Variants in KCNMB4 observed in about 807,000 individuals in gnomAD.
KCNMB4 encodes calcium-activated potassium channel subunit beta-4.
KCNMB4 carries 3 observed loss-of-function variants against 20.7 expected under a neutral mutation model. That is an observed-to-expected ratio of 0.14 (90% CI 0.07 to 0.37). The LOEUF (loss-of-function observed/expected upper bound fraction) is 0.37, where lower values mean the gene tolerates loss of function less well. Ranked by LOEUF, KCNMB4 falls within the 10% of genes least tolerant of loss-of-function variation. KCNMB4 has a pLI of 1.00. For synonymous variants in KCNMB4, 110 were observed against 113.4 expected (o/e 0.97, Z 0.19); for missense variants, 168 against 265.9 (o/e 0.63, Z 2.56).
At chr12:70,403,987 T>C (rs868633212) in intron 2 of KCNMB4, among the ~76,000 whole-genome samples, 1 of 152,254 alleles carries the variant, frequency 6.6e-6, no homozygotes, top group African/African-American at 2.4e-5. Flanking sequence ...TTAGGACTTA[T>C]TGCTGAAAGC....
At chr12:70,397,978 T>C (rs1378997868) in intron 1 of KCNMB4, among the ~76,000 whole-genome samples, 1 of 152,178 alleles carries the variant, frequency 6.6e-6, no homozygotes, top group Non-Finnish European at 1.5e-5. Flanking sequence ...CTTTATAAAC[T>C]AATTGACTAT....
At chr12:70,393,604 C>T (rs755965666) in intron 1 of KCNMB4, among the ~76,000 whole-genome samples, 14 of 152,126 alleles carry the variant, frequency 9.2e-5, no homozygotes, top group Non-Finnish European at 2.1e-4. Context: ...AGCAGTCTGC[C>T]TGAATGCAGA....
chr12:70,394,363 C>T (rs79745769), intron 1 of KCNMB4, among the ~76,000 whole-genome samples: 6,602 of 152,156 alleles, frequency 0.043, 456 homozygotes, highest in East Asian at 0.33. Context: ...TCTTTCTGCC[C>T]AGCCTACTCT....
chr12:70,382,954 T>C (rs755872681), intron 1 of KCNMB4, among the ~76,000 whole-genome samples: 4 of 152,212 alleles, frequency 2.6e-5, no homozygotes, highest in Non-Finnish European at 5.9e-5. Context: ...CTATATGATA[T>C]AGCCTATTGC....
At chr12:70,420,480 G>A (rs1037816106) in intron 2 of KCNMB4, among the ~76,000 whole-genome samples, 1 of 152,040 alleles carries the variant, frequency 6.6e-6, no homozygotes, top group East Asian at 1.9e-4. Flanking sequence ...GCCAGGGAGG[G>A]GGCCATGAGC....
At chr12:70,410,467 A>G (rs1868740887) in intron 2 of KCNMB4, among the ~76,000 whole-genome samples, 1 of 152,234 alleles carries the variant, frequency 6.6e-6, no homozygotes. Flanking sequence ...TAAGGGCAGC[A>G]GTCATGTGAC....
At chr12:70,415,013 T>C (rs149958192) in intron 2 of KCNMB4, among the ~76,000 whole-genome samples, 14 of 152,362 alleles carry the variant, frequency 9.2e-5, no homozygotes, top group African/African-American at 3.4e-4. Flanking sequence ...GACTAGGACA[T>C]AGACCTATTT....
Position 70,430,481 on chromosome 12 carries a change from G to C in KCNMB4, c.465-4G>C, listed in dbSNP as rs1458788232. The C allele has an allele frequency of 6.2e-7, 1 of 1,612,870 alleles. No homozygotes were observed. Among genetic ancestry groups the C allele is most frequent in the East Asian group, 2.2e-5 (1 of 44,808 alleles). On this transcript the variant is annotated splice_region_variant and splice_polypyrimidine_tract_variant and intron_variant, in intron 2 of 2. Transcript: ENST00000258111. ...TTTCTTTCTTATTCTCCATTGTCTT[G>C]CAGACCAGATGATGTGCTTCTGCAT...
At chr12:70,427,075 A>G (rs910743560) in intron 2 of KCNMB4, among the ~76,000 whole-genome samples, 1 of 152,126 alleles carries the variant, frequency 6.6e-6, no homozygotes, top group African/African-American at 2.4e-5. Flanking sequence ...TGGTTTTATT[A>G]TGTCAGCTCC....
intron 2 of KCNMB4, among the ~76,000 whole-genome samples, chr12:70,428,992 A>G (rs1008191969): frequency 1.3e-5 from 2 of 152,260 alleles, no homozygotes; most frequent in Non-Finnish European, 2.9e-5. Context: ...CAAAATTTGA[A>G]ATTACACTGT....
At chr12:70,417,289 G>A (rs969526966) in intron 2 of KCNMB4, among the ~76,000 whole-genome samples, 1 of 152,204 alleles carries the variant, frequency 6.6e-6, no homozygotes, top group Non-Finnish European at 1.5e-5. Context: ...GCCCCATTTA[G>A]TATTGGCTTA....
chr12:70,401,863 G>A (rs61241225), intron 2 of KCNMB4, among the ~76,000 whole-genome samples: 10,089 of 152,118 alleles, frequency 0.066, 801 homozygotes, highest in African/African-American at 0.19. Context: ...CATTTCAAGA[G>A]AGGTAGGCCT....
At chr12:70,399,017 G>GC (rs1868389110) in intron 1 of KCNMB4, among the ~76,000 whole-genome samples, 1 of 152,196 alleles carries the variant, frequency 6.6e-6, no homozygotes, top group Non-Finnish European at 1.5e-5. Context: ...AGAGAGAACA[G>GC]CCTGTGCCAA....
chr12:70,370,805 C>T (rs1242473524), intron 1 of KCNMB4, among the ~76,000 whole-genome samples: 4 of 150,508 alleles, frequency 2.7e-5, no homozygotes, highest in Non-Finnish European at 3.0e-5. Context: ...TAAAACTGCC[C>T]TCTTGTATGT....
At chr12:70,373,010 T>TG (rs905087154) in intron 1 of KCNMB4, among the ~76,000 whole-genome samples, 1 of 151,906 alleles carries the variant, frequency 6.6e-6, no homozygotes, top group African/African-American at 2.4e-5. Flanking sequence ...TGGGGTGTGT[T>TG]GGGGGATCTG....
At chr12:70,414,639 C>T (rs968745002) in intron 2 of KCNMB4, among the ~76,000 whole-genome samples, 4 of 152,138 alleles carry the variant, frequency 2.6e-5, no homozygotes, top group African/African-American at 7.2e-5. Context: ...ACTCAGTTAA[C>T]GACATGGCAT....
intron 2 of KCNMB4, among the ~76,000 whole-genome samples, chr12:70,422,081 A>C (rs1869082045): frequency 6.6e-6 from 1 of 152,192 alleles, no homozygotes; most frequent in Non-Finnish European, 1.5e-5. Flanking sequence ...ATACGAATTT[A>C]AACTATTGAA....
chr12:70,388,853 A>G (rs1029909616), intron 1 of KCNMB4, among the ~76,000 whole-genome samples: 6 of 152,180 alleles, frequency 3.9e-5, no homozygotes, highest in African/African-American at 1.4e-4. Context: ...GTTATTATGA[A>G]CATAGTTTTG....
At chr12:70,371,729 G>A (rs2136114184) in intron 1 of KCNMB4, among the ~76,000 whole-genome samples, 1 of 152,298 alleles carries the variant, frequency 6.6e-6, no homozygotes, top group East Asian at 1.9e-4. Context: ...GGCATACAAA[G>A]ATGAATATGT....
Sources: allele counts gnomAD v4.1 joint callset (sites outside exome capture counted in the v4.1 genomes callset), GRCh38; gene constraint gnomAD v4.1.1; transcripts MANE v1.5; gene names NCBI Gene and HGNC (gene_info 2026-07-23, HGNC 2026-07-21).